GREB1: variants seen among roughly 807,000 people sequenced by gnomAD.
The protein encoded by GREB1 is protein GREB1.
A neutral mutation model predicts 200.7 loss-of-function variants in GREB1; 106 were observed. The ratio of observed to expected loss-of-function variants is 0.53; its 90% CI spans 0.45 to 0.62. The LOEUF (loss-of-function observed/expected upper bound fraction) is 0.62, where lower values mean the gene tolerates loss of function less well. Among genes scored for constraint, GREB1 ranks in the 20% least tolerant of loss-of-function variants. The probability of loss-of-function intolerance (pLI) is 0.00; values close to 1 mark genes in which losing one functional copy is unlikely to be tolerated. For missense variants in GREB1, 2,243 were observed against 2,556.8 expected (o/e 0.88, Z 2.65); for synonymous variants, 1,132 against 1,092.4 (o/e 1.04, Z -0.72).
At chr2:11,576,998 G>A (rs1678927218) in intron 5 of GREB1, among the ~76,000 whole-genome samples, 1 of 151,954 alleles carries the variant, frequency 6.6e-6, no homozygotes, top group African/African-American at 2.4e-5. Context: ...TGGTGCCACT[G>A]CACTCCAGCC....
intron 1 of GREB1, among the ~76,000 whole-genome samples, chr2:11,546,682 C>A (rs1675308806): frequency 6.6e-6 from 1 of 152,126 alleles, no homozygotes; most frequent in South Asian, 2.1e-4. Flanking sequence ...GAAATAATTG[C>A]AGGACTTTCT....
intron 1 of GREB1, among the ~76,000 whole-genome samples, chr2:11,525,922 G>C (rs947644691): frequency 6.6e-6 from 1 of 152,200 alleles, no homozygotes; most frequent in African/African-American, 2.4e-5. Context: ...TTTGGGCTGC[G>C]TGGAGTCAAG....
chr2:11,603,071 G>A (rs1572886187), intron 17 of GREB1, among the ~76,000 whole-genome samples: 2 of 152,206 alleles, frequency 1.3e-5, no homozygotes, highest in Admixed American at 1.3e-4. Context: ...CAGGCTACGT[G>A]TCTAGCAAGT....
At chr2:11,631,767 A>G (rs1258456079) in intron 26 of GREB1, 142 bp from the exon 27 acceptor site, 1 of 682,706 alleles carries the variant, frequency 1.5e-6, no homozygotes, top group Admixed American at 2.3e-5. Flanking sequence ...TTACTGGTAA[A>G]AGCAAGTCAC....
chr2:11,623,172 T>A (rs1458967177), intron 23 of GREB1, among the ~76,000 whole-genome samples: 1 of 152,198 alleles, frequency 6.6e-6, no homozygotes, highest in Non-Finnish European at 1.5e-5. Context: ...CCTAGTGATA[T>A]CGTAGTCATC....
In GREB1 at chr2:11,610,911, T is replaced by C. The variant is rs897550182; in HGVS notation, c.2890T>C (p.Tyr964His). 6.2e-7 allele frequency: 1 copy of C among 1,612,734 alleles called. No individual in the cohort carries two copies. ...CTGTTCGCCCCTGGCGGTGGTGGCC[T>C]ATGAGCGGCTGGCCCACGTGCGGGC... is the stretch of plus-strand genomic sequence containing the variant. Reference protein sequence around the residue: ...VPCSPLAVVAYERLAHVRARL... With the variant: ...VPCSPLAVVAHERLAHVRARL... Residue 964 changes from tyrosine (Y) to histidine (H), a missense_variant, in exon 18 of 33, where the codon TAT (tyrosine) becomes CAT (histidine). Around this residue, in one of 3 missense-constraint regions of GREB1, gnomAD observed 1,178 missense variants for 1,387.4 expected, o/e 0.85. Coordinates refer to ENST00000381486, the MANE Select transcript of GREB1 (RefSeq NM_014668.4).
At position 11,618,753 on chromosome 2, in the gene GREB1, G is replaced by A; in HGVS notation, c.3878G>A (p.Ser1293Asn). ...CCCTCCCCCTCGGTCATGTGGGCCA[G>A]CTCTTTCCGCCCCCTGCTCAGCAAG... ...LLPSPSVMWA[S>N]SFRPLLSKTM... Residue 1293 changes from serine to asparagine, a missense_variant, in exon 22 of 33, where the codon AGC becomes AAC. Around this residue, in one of 3 missense-constraint regions of GREB1, gnomAD observed 587 missense variants for 553.1 expected, o/e 1.06. Transcript: ENST00000381486. 6.2e-7 allele frequency: 1 copy of A among 1,613,358 alleles called. No individual in the cohort carries two copies. The highest frequency in any genetic ancestry group is 8.5e-7 in the Non-Finnish European group (1 of 1,179,872).
chr2:11,504,823 A>G (rs1673137582), intron 1 of GREB1, among the ~76,000 whole-genome samples: 2 of 152,174 alleles, frequency 1.3e-5, no homozygotes, highest in Non-Finnish European at 2.9e-5. Context: ...TTTCATTCCT[A>G]CACTATTCAT....
intron 11 of GREB1, 115 bp from the exon 12 acceptor site, chr2:11,595,136 A>T (rs1681093960): frequency 2.1e-6 from 2 of 943,320 alleles, no homozygotes; most frequent in Admixed American, 4.6e-5. Flanking sequence ...GCTGTTAGCC[A>T]CAGATTCCAG....
chr2:11,642,362 A>T lies in GREB1; in HGVS notation c.*1908A>T, dbSNP rs1685863857. On this transcript the variant is annotated 3_prime_UTR_variant, in exon 33 of 33. Coordinates refer to ENST00000381486, the MANE Select transcript of GREB1 (RefSeq NM_014668.4). ...GCTGGTCTTGTGAACTCCTGGCCTC[A>T]GGTGATCTGCCCACCTCATCCTCCA... is the stretch of plus-strand genomic sequence containing the variant. 6.6e-6 allele frequency: 1 copy of T among 151,868 alleles called. No individual in the cohort carries two copies. Among genetic ancestry groups the T allele is most frequent in the Non-Finnish European group, 1.5e-5 (1 of 67,964 alleles). 9.4% of individuals were successfully genotyped at this position (151,868 alleles called of 1,614,324 possible).
chr2:11,570,037 C>T (rs1308780604), intron 4 of GREB1, among the ~76,000 whole-genome samples: 5 of 152,174 alleles, frequency 3.3e-5, no homozygotes, highest in African/African-American at 1.2e-4. Flanking sequence ...CCTCTTCTCC[C>T]TTTCTGGGAT....
chr2:11,612,625 T>A lies in GREB1; in HGVS notation c.3122+15T>A. On this transcript the variant is annotated intron_variant, in intron 19 of 32. Coordinates refer to ENST00000381486, the MANE Select transcript of GREB1 (RefSeq NM_014668.4). ...TCCTTGCCGAGGTGAGTGGAGGGGT[T>A]ATGCCCCTGGGGGTCTCTGAGGAGC... 3 of 1,476,052 alleles carry A rather than the reference T, an allele frequency of 2.0e-6. No homozygotes were observed. Among genetic ancestry groups the A allele is most frequent in the South Asian group, 1.1e-5 (1 of 88,336 alleles). The allele number at this position is 1,476,052 out of a possible 1,614,324, so 91.4% of individuals were successfully genotyped here. A position where few individuals can be genotyped will look rare whatever the true frequency, so the allele number is the denominator to read the frequency against.
At chr2:11,488,133 A>G (rs773207829) in intron 1 of GREB1, among the ~76,000 whole-genome samples, 5 of 152,174 alleles carry the variant, frequency 3.3e-5, no homozygotes, top group Non-Finnish European at 5.9e-5. Context: ...CTGGACCAGC[A>G]TCAGTGTTGT....
At chr2:11,612,897 G>A (rs1683063308) in intron 19 of GREB1, among the ~76,000 whole-genome samples, 3 of 152,238 alleles carry the variant, frequency 2.0e-5, no homozygotes, top group African/African-American at 7.2e-5. Flanking sequence ...AGGATTTCAT[G>A]CCTCCTGAGT....
intron 1 of GREB1, among the ~76,000 whole-genome samples, chr2:11,514,188 T>C (rs1012871899): frequency 6.6e-6 from 1 of 152,216 alleles, no homozygotes; most frequent in African/African-American, 2.4e-5. Context: ...GCGATTAACA[T>C]TGAGAGCCAA....
rs1201091982 is a variant in GREB1, at chr2:11,602,530, C to T, written c.2654C>T (p.Ala885Val). 1 of 1,613,842 alleles carries T rather than the reference C, an allele frequency of 6.2e-7. No homozygotes were observed. Among genetic ancestry groups the T allele is most frequent in the South Asian group, 1.1e-5 (1 of 91,078 alleles). ...AGCTCCTTTGAGGCCATGGTCACTG[C>T]ATTAGGAAAAAGGTACTTGTTTCTC... ...YDSSFEAMVT[A>V]LGKRFPRLHS... Residue 885 changes from alanine to valine, a missense_variant, in exon 17 of 33, where the codon GCA becomes GTA. Physicochemically the swap from Ala to Val is moderately conservative, Grantham distance 64. This residue lies in a region of GREB1 where 1,178 missense variants were observed against 1,387.4 expected (regional missense o/e 0.85). Coordinates refer to ENST00000381486, the MANE Select transcript of GREB1 (RefSeq NM_014668.4).
chr2:11,506,765 C>T lies in GREB1; in HGVS notation c.-159+24384C>T, dbSNP rs1320066805. Among the ~76,000 whole-genome samples, 3 of 152,268 alleles carry T rather than the reference C, an allele frequency of 2.0e-5. No homozygotes were observed. In the East Asian group the frequency reaches 5.8e-4, roughly 29 times the overall value. On this transcript the variant is annotated intron_variant, in intron 1 of 2. Transcript: ENST00000628795. ...GACCAGAGTTGGAGCAGCAGAGCAG[C>T]GTGGAACCCTGAGCTCTGGACTCTC...
chr2:11,536,612 AAC>A (rs1262786356), intron 1 of GREB1, among the ~76,000 whole-genome samples: 5 of 152,200 alleles, frequency 3.3e-5, no homozygotes, highest in Non-Finnish European at 7.3e-5. Context: ...TATAGAATAG[AAC>A]AAAGAGATTT....
intron 1 of GREB1, among the ~76,000 whole-genome samples, chr2:11,547,026 T>C (rs2147788482): frequency 6.7e-6 from 1 of 148,478 alleles, no homozygotes; most frequent in South Asian, 2.2e-4. Flanking sequence ...GCTCACGCAA[T>C]CTCTGCCTCC....
Sources: allele counts gnomAD v4.1 joint callset (sites outside exome capture counted in the v4.1 genomes callset), GRCh38; gene constraint gnomAD v4.1.1; regional missense constraint gnomAD v4.1.1; transcripts MANE v1.5; gene names NCBI Gene and HGNC (gene_info 2026-07-23, HGNC 2026-07-21).